NRXN3: variants seen among roughly 807,000 people sequenced by gnomAD.
NRXN3 encodes the protein neurexin 3, also known as neurexin III.
Under a neutral mutation model 137.6 loss-of-function variants are expected in NRXN3, and 32 were observed. The ratio of observed to expected loss-of-function variants is 0.23; its 90% CI spans 0.18 to 0.31. The LOEUF (loss-of-function observed/expected upper bound fraction) is 0.31. Ranked by LOEUF, NRXN3 falls within the 10% of genes least tolerant of loss-of-function variation. The pLI, the probability that NRXN3 is intolerant of heterozygous loss-of-function variation, is 1.00. For synonymous variants in NRXN3, 798 were observed against 784.5 expected, an observed-to-expected ratio of 1.02 and a Z score of -0.29; for missense variants, 1,574 against 2,062.5, an observed-to-expected ratio of 0.76 and a Z score of 4.59.
intron 8 of NRXN3, among the ~76,000 whole-genome samples, chr14:78,751,135 C>T (rs371718308): frequency 6.6e-6 from 1 of 152,074 alleles, no homozygotes. Flanking sequence ...TTTTTCCCCC[C>T]ACTATATTCT....
At chr14:78,412,358 C>T (rs915116070) in intron 4 of NRXN3, among the ~76,000 whole-genome samples, 3 of 152,152 alleles carry the variant, frequency 2.0e-5, no homozygotes, top group African/African-American at 7.2e-5. Context: ...AACATAATGG[C>T]AGGTACTGTG....
chr14:79,775,911 G>T (rs933817494), intron 19 of NRXN3, among the ~76,000 whole-genome samples: 2 of 152,130 alleles, frequency 1.3e-5, no homozygotes, highest in Non-Finnish European at 2.9e-5. Context: ...CACATAACTT[G>T]TCCTAGAACT....
intron 19 of NRXN3, among the ~76,000 whole-genome samples, chr14:79,801,526 A>G (rs1158922608): frequency 6.6e-6 from 1 of 151,872 alleles, no homozygotes; most frequent in East Asian, 2.0e-4. Context: ...TTAATAGTGA[A>G]GTAACTAAGT....
intron 10 of NRXN3, among the ~76,000 whole-genome samples, chr14:78,826,175 T>G (rs1470506042): frequency 6.6e-6 from 1 of 152,206 alleles, no homozygotes; most frequent in East Asian, 1.9e-4. Context: ...TAGTGCCAAA[T>G]AAAAATGTAA....
chr14:79,280,211 G>A, intron 15 of NRXN3: 1 of 1,577,052 alleles, frequency 6.3e-7, no homozygotes, highest in East Asian at 2.2e-5. Context: ...GCTATGATGG[G>A]CCCTTGGGCA....
At chr14:79,129,585 G>A (rs1005014649) in intron 15 of NRXN3, among the ~76,000 whole-genome samples, 29 of 135,140 alleles carry the variant, frequency 2.1e-4, no homozygotes, top group East Asian at 6.5e-4. Flanking sequence ...GCTGAGGAGA[G>A]CTTTACTTCC....
intron 4 of NRXN3, among the ~76,000 whole-genome samples, chr14:78,354,097 A>C (rs935072177): frequency 6.6e-6 from 1 of 152,206 alleles, no homozygotes; most frequent in Non-Finnish European, 1.5e-5. Context: ...AGATTTGCCC[A>C]AAAGGAAAGC....
chr14:78,774,004 G>A (rs536947858), intron 8 of NRXN3, among the ~76,000 whole-genome samples: 11 of 152,212 alleles, frequency 7.2e-5, no homozygotes, highest in Admixed American at 3.3e-4. Flanking sequence ...GTTTCACCAC[G>A]TTGGCCAAGA....
At chr14:79,832,000 A>T (rs2099325313) in intron 20 of NRXN3, among the ~76,000 whole-genome samples, 1 of 152,018 alleles carries the variant, frequency 6.6e-6, no homozygotes, top group African/African-American at 2.4e-5. Context: ...TGATTTCAGG[A>T]CACCCCCTCG....
intron 15 of NRXN3, among the ~76,000 whole-genome samples, chr14:78,992,979 A>G (rs1332134429): frequency 6.6e-6 from 1 of 152,196 alleles, no homozygotes; most frequent in Non-Finnish European, 1.5e-5. Flanking sequence ...CCTGTGCTAC[A>G]TTGCTGGTCA....
At chr14:79,014,621 A>G (rs1379750612) in intron 15 of NRXN3, among the ~76,000 whole-genome samples, 3 of 152,186 alleles carry the variant, frequency 2.0e-5, no homozygotes, top group African/African-American at 7.2e-5. Context: ...TATATATCCA[A>G]TAATGGGATT....
chr14:78,914,182 G>A (rs2099248754), intron 10 of NRXN3, among the ~76,000 whole-genome samples: 2 of 152,150 alleles, frequency 1.3e-5, no homozygotes, highest in Admixed American at 1.3e-4. Context: ...CATCTCCTGT[G>A]TGTGCATGGA....
At chr14:78,754,739 T>C (rs1277198232) in intron 8 of NRXN3, among the ~76,000 whole-genome samples, 1 of 152,142 alleles carries the variant, frequency 6.6e-6, no homozygotes, top group Non-Finnish European at 1.5e-5. Flanking sequence ...AACCAGAAAC[T>C]CTGGAGGTGG....
chr14:78,750,888 ATTAC>A (rs959401815), intron 8 of NRXN3, among the ~76,000 whole-genome samples: 1 of 152,166 alleles, frequency 6.6e-6, no homozygotes, highest in African/African-American at 2.4e-5. Context: ...TTGATAGCTT[ATTAC>A]TTAAGGACCC....
intron 16 of NRXN3, among the ~76,000 whole-genome samples, chr14:79,641,680 C>A (rs1207603349): frequency 7.4e-6 from 1 of 134,924 alleles, no homozygotes; most frequent in Non-Finnish European, 1.7e-5. Context: ...CTATCCAGGG[C>A]TTAGTCTTTC....
intron 15 of NRXN3, among the ~76,000 whole-genome samples, chr14:79,367,596 A>C (rs1599264014): frequency 6.6e-6 from 1 of 152,160 alleles, no homozygotes; most frequent in East Asian, 1.9e-4. Context: ...AAAGAATAAG[A>C]ACTAATGTTA....
chr14:78,750,793 A>G (rs1174498392), intron 8 of NRXN3, among the ~76,000 whole-genome samples: 3 of 152,188 alleles, frequency 2.0e-5, no homozygotes, highest in Non-Finnish European at 2.9e-5. Context: ...CTGTTTATGA[A>G]GACTCAGGCT....
chr14:78,614,335 A>T (rs2097327408), intron 4 of NRXN3, among the ~76,000 whole-genome samples: 1 of 152,182 alleles, frequency 6.6e-6, no homozygotes, highest in African/African-American at 2.4e-5. Context: ...AAATAAAACA[A>T]AATTGGCTGT....
At chr14:78,574,224 G>A (rs140494821) in intron 4 of NRXN3, among the ~76,000 whole-genome samples, 16 of 152,364 alleles carry the variant, frequency 1.1e-4, no homozygotes, top group Admixed American at 3.3e-4. Flanking sequence ...CCCCTATGGC[G>A]AACCTCTGCT....
Sources: gnomAD v4.1 joint callset for allele counts (sites outside exome capture counted in the v4.1 genomes callset) on GRCh38, gnomAD v4.1.1 for gene constraint, MANE v1.5 for transcripts, NCBI Gene and HGNC (gene_info 2026-07-23, HGNC 2026-07-21) for gene names.